FSD2: variants seen among roughly 807,000 people sequenced by gnomAD.
FSD2 encodes fibronectin type III and SPRY domain containing 2.
FSD2 carries 71 observed loss-of-function variants against 80.4 expected under a neutral mutation model. The observed-to-expected ratio is 0.88, with a 90% confidence interval of 0.73 to 1.08. The LOEUF (loss-of-function observed/expected upper bound fraction) is 1.08. Among genes scored for constraint, FSD2 ranks in the 50% least tolerant of loss-of-function variants. The probability of loss-of-function intolerance (pLI) is 0.00; values close to 1 mark genes in which losing one functional copy is unlikely to be tolerated. For missense variants in FSD2, 923 were observed against 913.8 expected (o/e 1.01, Z -0.13); for synonymous variants, 361 against 329.5 (o/e 1.10, Z -1.03).
At chr15:82,781,837 A>G (rs2049863576) in intron 4 of FSD2, among the ~76,000 whole-genome samples, 1 of 150,956 alleles carries the variant, frequency 6.6e-6, no homozygotes, top group South Asian at 2.1e-4. Context: ...AGGCAGGTGG[A>G]TCACGAGGTC....
rs976101854 is a variant in FSD2 at position 82,756,171 on chromosome 15, C to T, written c.*3177G>A. 1.3e-5 allele frequency: 4 copies of T among 305,444 alleles called. No individual in the cohort carries two copies. The Admixed American group carries it at 1.5e-4, about 11-fold the overall frequency. The allele number at this position is 305,444 out of a possible 1,614,324, so 18.9% of individuals were successfully genotyped here. ...ATAGTGAACATGTGAGAATCTTGCTCTACTAATTGATAGGAAGGTGACTAG... is the reference window on the plus strand; with the variant it reads ...ATAGTGAACATGTGAGAATCTTGCTTTACTAATTGATAGGAAGGTGACTAG... On this transcript the variant is annotated 3_prime_UTR_variant, in exon 13 of 13. Coordinates refer to ENST00000334574, the MANE Select transcript of FSD2 (RefSeq NM_001007122.4).
At chr15:82,764,499 T>TTTTTTTTTTTTTG (rs2049365325) in intron 11 of FSD2, among the ~76,000 whole-genome samples, 1 of 140,790 alleles carries the variant, frequency 7.1e-6, no homozygotes, top group Non-Finnish European at 1.5e-5. Flanking sequence ...TTGCTTTTTT[T>TTTTTTTTTTTTTG]TTTTTTTTTT....
At chr15:82,783,403 T>C (rs2049919381) in intron 3 of FSD2, among the ~76,000 whole-genome samples, 1 of 152,184 alleles carries the variant, frequency 6.6e-6, no homozygotes, top group South Asian at 2.1e-4. Context: ...CCAGCCTGAT[T>C]AGAGTCATTA....
In FSD2 at chr15:82,769,016, T is replaced by TG; in HGVS notation, c.1416dup (p.Ile473HisfsTer3). On this transcript the variant is annotated frameshift_variant, in exon 9 of 13. Transcript: ENST00000334574. LOFTEE classifies it high-confidence loss of function. ...CTCCTTATCTCTTTGGTTTTAATAATGGGGGGAGAAGGTGCTAAATGTGGG... is the reference window on the plus strand; with the variant it reads ...CTCCTTATCTCTTTGGTTTTAATAATGGGGGGGAGAAGGTGCTAAATGTGGG... 6.3e-7 allele frequency: 1 copy of TG among 1,587,020 alleles called. No individual in the cohort carries two copies. The highest frequency in any genetic ancestry group is 1.8e-5 in the Admixed American group (1 of 55,202).
intron 1 of FSD2, among the ~76,000 whole-genome samples, chr15:82,792,562 T>C (rs959546007): frequency 1.3e-5 from 2 of 152,250 alleles, no homozygotes; most frequent in Non-Finnish European, 2.9e-5. Flanking sequence ...TTCTATTCTG[T>C]GAGGTGTCCT....
In FSD2 at chr15:82,786,793, G is replaced by T; in HGVS notation, c.598C>A (p.His200Asn). 2 of 1,614,014 alleles carry T rather than the reference G, an allele frequency of 1.2e-6. No homozygotes were observed. Among genetic ancestry groups the T allele is most frequent in the Non-Finnish European group, 1.7e-6 (2 of 1,179,894 alleles). Reference sequence around the variant, plus strand: ...GCTTCATTGAGTGGGATCACTTCATGCTCCTTATGTTCATCAAAAACCTTC... The same window carrying T: ...GCTTCATTGAGTGGGATCACTTCATTCTCCTTATGTTCATCAAAAACCTTC... ...FQKVFDEHKE[H>N]EVIPLNEALE... The change falls in exon 2 of 13, where the codon CAT becomes AAT. Residue 200 changes from histidine to asparagine, a missense_variant. By Grantham distance (68) the His-to-Asn change is moderately conservative. Transcript: ENST00000334574.
intron 1 of FSD2, among the ~76,000 whole-genome samples, chr15:82,800,635 C>G (rs2050387470): frequency 7.6e-6 from 1 of 131,046 alleles, no homozygotes; most frequent in Non-Finnish European, 1.6e-5. Context: ...AACGTTGCAG[C>G]GAGCCAAGAT....
Position 82,797,536 on chromosome 15 carries a change from C to A in FSD2, c.-79+8430G>T, listed in dbSNP as rs184243923. On this transcript the variant is annotated intron_variant, in intron 1 of 12. Transcript: ENST00000334574. The stretch of plus-strand genomic sequence containing the variant: ...TTTCATTTAACAATTATTGGCCAGG[C>A]GTGGTGGCTCACGCCTGTAATCCCA... Among the ~76,000 whole-genome samples, 81 of 152,304 alleles carry A rather than the reference C, an allele frequency of 5.3e-4. 1 individual carries two copies. The East Asian group carries it at 0.015, about 28-fold the overall frequency.
Position 82,759,331 on chromosome 15 carries a change from CTG to C in FSD2, c.*15_*16del, listed in dbSNP as rs1287584961. Reference sequence around the variant, plus strand: ...AGGGGTAGGCATGGAAGACAGGAAACTGGACATCAGAATGTTCTAATAGAAAG... The same window carrying C: ...AGGGGTAGGCATGGAAGACAGGAAACGACATCAGAATGTTCTAATAGAAAG... On this transcript the variant is annotated 3_prime_UTR_variant, in exon 13 of 13. Coordinates refer to ENST00000334574, the MANE Select transcript of FSD2 (RefSeq NM_001007122.4). The C allele has an allele frequency of 6.2e-7, 1 of 1,609,930 alleles. No individual in the cohort carries two copies. The highest frequency in any genetic ancestry group is 1.1e-5 in the South Asian group (1 of 90,462).
chr15:82,773,389 C>T (rs535357050), intron 6 of FSD2, among the ~76,000 whole-genome samples: 18 of 152,230 alleles, frequency 1.2e-4, no homozygotes, highest in African/African-American at 4.3e-4. Flanking sequence ...ACAACAGATG[C>T]CCTGCTAGAC....
intron 9 of FSD2, among the ~76,000 whole-genome samples, chr15:82,766,738 CA>C (rs560358115): frequency 0.21 from 20,024 of 96,010 alleles, 1,317 homozygotes; most frequent in African/African-American, 0.31. Context: ...GAGACTGTCT[CA>C]AAAAAAAAAA....
In FSD2 at chr15:82,787,350, G is replaced by A. The variant is rs1197020694; in HGVS notation, c.41C>T (p.Ser14Phe). 1 of 1,613,440 alleles carries A rather than the reference G, an allele frequency of 6.2e-7. No homozygotes were observed. The highest frequency in any genetic ancestry group is 8.5e-7 in the Non-Finnish European group (1 of 1,179,606). ...GTAAAAGTGGAAATCCTTGGGAGTAGACCTGTCCAGCCCCAGTTCCTCCCC... is the reference window on the plus strand; with the variant it reads ...GTAAAAGTGGAAATCCTTGGGAGTAAACCTGTCCAGCCCCAGTTCCTCCCC... ...ESGEELGLDRSTPKDFHFYHM... is the reference protein window; with the variant it reads ...ESGEELGLDRFTPKDFHFYHM... Residue 14 changes from serine (S) to phenylalanine (F), a missense_variant, in exon 2 of 13, where the codon TCT becomes TTT. Physicochemically the swap from Ser to Phe is radical, Grantham distance 155. Coordinates refer to ENST00000334574, the MANE Select transcript of FSD2 (RefSeq NM_001007122.4).
intron 1 of FSD2, among the ~76,000 whole-genome samples, chr15:82,799,887 G>A (rs916096013): frequency 3.3e-5 from 5 of 152,160 alleles, no homozygotes; most frequent in African/African-American, 4.8e-5. Flanking sequence ...GAAGATGCCT[G>A]GATGCCCAGC....
chr15:82,762,353 G>A, intron 11 of FSD2, 75 bp from the exon 12 acceptor site: 1 of 1,422,350 alleles, frequency 7.0e-7, no homozygotes, highest in Non-Finnish European at 9.7e-7. Flanking sequence ...GATGCCAGTT[G>A]CTGGGATCAG....
intron 1 of FSD2, among the ~76,000 whole-genome samples, chr15:82,794,416 A>G (rs1277779567): frequency 6.6e-6 from 1 of 152,148 alleles, no homozygotes; most frequent in Non-Finnish European, 1.5e-5. Flanking sequence ...TGTCTTAGAG[A>G]ACGTTCCATA....
rs773826334 is a variant in FSD2, at chr15:82,787,064, C to T, written c.327G>A (p.Lys109=). The change falls in exon 2 of 13, where the codon AAG becomes AAA. Residue 109 remains lysine (K), a synonymous_variant. Coordinates refer to ENST00000334574, the MANE Select transcript of FSD2 (RefSeq NM_001007122.4). ...GVSEYPPYMM[K]RRDPAREQRD... is the part of the protein sequence containing the mutation. ...TCTGCTCCCTGGCTGGGTCTCTCCTCTTCATCATATAAGGAGGATATTCTG... is the reference window on the plus strand; with the variant it reads ...TCTGCTCCCTGGCTGGGTCTCTCCTTTTCATCATATAAGGAGGATATTCTG... The T allele has an allele frequency of 2.5e-6, 4 of 1,613,876 alleles. No individual in the cohort carries two copies. The South Asian group carries it at 3.3e-5, about 13-fold the overall frequency.
rs2050450686 is a variant in FSD2, at chr15:82,803,032, C to T, written c.-79+2934G>A. Among the ~76,000 whole-genome samples, 3 of 152,072 alleles carry T rather than the reference C, an allele frequency of 2.0e-5. No homozygotes were observed. In the South Asian group the frequency reaches 6.2e-4, roughly 32 times the overall value. The stretch of plus-strand genomic sequence containing the variant: ...GGCGCTGGGGGTACAATGGATGAGA[C>T]ACAGTTGCTGGTGTCAAGGAGGCTC... On this transcript the variant is annotated intron_variant, in intron 1 of 12. Transcript: ENST00000334574.
intron 11 of FSD2, among the ~76,000 whole-genome samples, chr15:82,762,619 AC>A (rs2049318853): frequency 6.6e-6 from 1 of 152,186 alleles, no homozygotes; most frequent in Non-Finnish European, 1.5e-5. Flanking sequence ...ACAACACAGC[AC>A]GGTTAAGGGA....
At chr15:82,778,158 A>ATATATATATATATATATATATATAT (rs1482215584) in intron 6 of FSD2, among the ~76,000 whole-genome samples, 25 of 129,024 alleles carry the variant, frequency 1.9e-4, no homozygotes, top group African/African-American at 7.6e-4. Flanking sequence ...ATATATATAT[A>ATATATATATATATATATATATATAT]ATAACTATTA....
Sources: gnomAD v4.1 joint callset for allele counts (sites outside exome capture counted in the v4.1 genomes callset) on GRCh38, gnomAD v4.1.1 for gene constraint, MANE v1.5 for transcripts, NCBI Gene and HGNC (gene_info 2026-07-23, HGNC 2026-07-21) for gene names.